TEX9: variants seen among roughly 807,000 people sequenced by gnomAD.
TEX9 encodes the protein testis expressed 9.
A neutral mutation model predicts 59.6 loss-of-function variants in TEX9; 74 were observed. The ratio of observed to expected loss-of-function variants is 1.24; its 90% CI spans 1.03 to 1.51. The LOEUF (loss-of-function observed/expected upper bound fraction) is 1.51. Among genes scored for constraint, TEX9 ranks in the 40% most tolerant of loss-of-function variants. The probability of loss-of-function intolerance (pLI) is 0.00; values close to 1 mark genes in which losing one functional copy is unlikely to be tolerated. For missense variants in TEX9, 522 were observed against 447.8 expected (o/e 1.17, Z -1.49); for synonymous variants, 186 against 152.2 (o/e 1.22, Z -1.64).
chr15:56,334,372 C>T (rs2046218639), intron 1 of TEX9, among the ~76,000 whole-genome samples: 2 of 152,122 alleles, frequency 1.3e-5, no homozygotes, highest in Admixed American at 6.6e-5. Context: ...ACAGTGAACT[C>T]ATTTTTGACA....
intron 1 of TEX9, among the ~76,000 whole-genome samples, chr15:56,335,144 G>A (rs1377731995): frequency 6.6e-6 from 1 of 152,074 alleles, no homozygotes; most frequent in Non-Finnish European, 1.5e-5. Context: ...CAATCCTACT[G>A]CCAGGTATAG....
intron 7 of TEX9, 53 bp downstream of exon 7, chr15:56,391,471 G>A (rs1399410199): frequency 4.5e-5 from 55 of 1,229,648 alleles, no homozygotes; most frequent in Non-Finnish European, 5.9e-5. Flanking sequence ...TTACTTAGAA[G>A]AAGAAATCTT....
intron 10 of TEX9, among the ~76,000 whole-genome samples, chr15:56,418,893 A>G (rs1298750275): frequency 6.6e-6 from 1 of 151,914 alleles, no homozygotes; most frequent in Non-Finnish European, 1.5e-5. Flanking sequence ...ATTATAACAC[A>G]ACTGGCTACT....
chr15:56,405,786 C>T (rs2049049839), intron 9 of TEX9, among the ~76,000 whole-genome samples: 1 of 151,486 alleles, frequency 6.6e-6, no homozygotes, highest in South Asian at 2.1e-4. Context: ...GTGTGATGGA[C>T]TTGCTTTTAT....
At chr15:56,415,945 C>T (rs1399996902) in intron 10 of TEX9, among the ~76,000 whole-genome samples, 2 of 151,746 alleles carry the variant, frequency 1.3e-5, no homozygotes, top group East Asian at 3.8e-4. Context: ...AGATCTTGCA[C>T]CTCCCTGGTT....
At chr15:56,445,590 C>A (rs2050893473) in intron 12 of TEX9, 1 of 151,900 alleles carries the variant, frequency 6.6e-6, no homozygotes, top group Non-Finnish European at 1.5e-5. Flanking sequence ...ATACTAAATT[C>A]TTTATTAAAA....
At chr15:56,393,715 T>C (rs2048321555) in intron 7 of TEX9, 1 of 153,374 alleles carries the variant, frequency 6.5e-6, no homozygotes, top group Admixed American at 6.5e-5. Context: ...TTAGTGTATT[T>C]CTTTGCTTCA....
intron 1 of TEX9, among the ~76,000 whole-genome samples, chr15:56,317,140 C>T (rs903556441): frequency 8.5e-5 from 13 of 152,304 alleles, no homozygotes; most frequent in African/African-American, 1.7e-4. Context: ...AGCTGTAGAC[C>T]GGAGCTGTTC....
chr15:56,427,100 A>T lies in TEX9; in HGVS notation c.964-505A>T, dbSNP rs139579153. The stretch of plus-strand genomic sequence containing the variant: ...CCCTGCTCTCTGACTCCTCAGTCCA[A>T]TAAGACTACTACTTTTTGCTTGAGT... On this transcript the variant is annotated intron_variant, in intron 10 of 12. Transcript: ENST00000352903. 2.0e-5 allele frequency among the ~76,000 whole-genome samples: 3 copies of T among 152,234 alleles called. No homozygotes were observed. In the East Asian group the frequency reaches 5.8e-4, roughly 29 times the overall value.
chr15:56,370,189 G>A (rs1389734812), intron 2 of TEX9, among the ~76,000 whole-genome samples: 2 of 151,824 alleles, frequency 1.3e-5, no homozygotes, highest in Non-Finnish European at 2.9e-5. Context: ...GGATTGAATG[G>A]GTTTTCATTA....
chr15:56,334,827 T>A (rs745307740), intron 1 of TEX9, among the ~76,000 whole-genome samples: 5 of 152,220 alleles, frequency 3.3e-5, no homozygotes, highest in South Asian at 2.1e-4. Flanking sequence ...AAAAATCTGA[T>A]TTTTTTAAAT....
intron 1 of TEX9, among the ~76,000 whole-genome samples, chr15:56,322,223 G>A (rs1433207830): frequency 6.6e-6 from 1 of 152,128 alleles, no homozygotes; most frequent in Non-Finnish European, 1.5e-5. Context: ...TAGGGAAGAA[G>A]TGAGGAGTGG....
intron 9 of TEX9, chr15:56,397,629 G>C (rs1269786038): frequency 6.6e-6 from 1 of 152,140 alleles, no homozygotes; most frequent in Non-Finnish European, 1.5e-5. Flanking sequence ...ATGAGATTTG[G>C]GAGGGTCTTG....
intron 3 of TEX9, among the ~76,000 whole-genome samples, chr15:56,379,060 T>C (rs1379346926): frequency 7.9e-6 from 1 of 126,768 alleles, no homozygotes; most frequent in Non-Finnish European, 1.6e-5. Context: ...TTTCTCTCTA[T>C]CTCAAAGAAA....
At chr15:56,343,982 C>T (rs1218756798) in intron 1 of TEX9, among the ~76,000 whole-genome samples, 1 of 152,090 alleles carries the variant, frequency 6.6e-6, no homozygotes, top group East Asian at 1.9e-4. Flanking sequence ...CACTTCACAC[C>T]CATGAGATGG....
intron 1 of TEX9, among the ~76,000 whole-genome samples, chr15:56,287,247 A>G (rs2044976147): frequency 1.3e-5 from 2 of 152,200 alleles, no homozygotes; most frequent in African/African-American, 2.4e-5. Context: ...ACTTCCTACC[A>G]TCATTCTTTT....
the TEX9 span, among the ~76,000 whole-genome samples, chr15:56,455,796 C>T: frequency 1.3e-3 from 197 of 152,008 alleles, 1 homozygote; most frequent in African/African-American, 4.5e-3. Context: ...GAGAAGAAAC[C>T]AGGATGATGA....
At chr15:56,287,412 G>A (rs1265331904) in intron 1 of TEX9, among the ~76,000 whole-genome samples, 2 of 151,882 alleles carry the variant, frequency 1.3e-5, no homozygotes, top group Non-Finnish European at 2.9e-5. Context: ...TAATAGACAA[G>A]TGAAAAAAAT....
chr15:56,400,250 G>C (rs746081652), intron 9 of TEX9, among the ~76,000 whole-genome samples: 1 of 152,134 alleles, frequency 6.6e-6, no homozygotes, highest in Non-Finnish European at 1.5e-5. Context: ...AAGGTTAGAC[G>C]AATGGCTAAC....
Sources: gnomAD v4.1 joint callset for allele counts (sites outside exome capture counted in the v4.1 genomes callset) on GRCh38, gnomAD v4.1.1 for gene constraint, MANE v1.5 for transcripts, NCBI Gene and HGNC (gene_info 2026-07-23, HGNC 2026-07-21) for gene names.